The following ILRUN variants were observed in gnomAD, a reference collection of about 807,000 sequenced individuals.
The protein encoded by ILRUN is protein ILRUN.
In ILRUN, 3 loss-of-function variants were observed where a neutral mutation model predicts 33.8. The ratio of observed to expected loss-of-function variants is 0.09; its 90% confidence interval spans 0.04 to 0.23. ILRUN has a LOEUF of 0.23. ILRUN is among the 10% of genes least tolerant of loss of function. ILRUN has a pLI of 1.00. For missense variants in ILRUN, 210 were observed against 375.1 expected (o/e 0.56, Z 3.64); for synonymous variants, 124 against 138.9 (o/e 0.89, Z 0.75).
At chr6:34,636,185 C>T (rs944189834) in intron 3 of ILRUN, among the ~76,000 whole-genome samples, 59 of 152,088 alleles carry the variant, frequency 3.9e-4, no homozygotes, top group Admixed American at 2.2e-3. Flanking sequence ...GAGTTCAAGG[C>T]TACAGTGAGC....
At chr6:34,664,613 A>C (rs534323015) in intron 1 of ILRUN, among the ~76,000 whole-genome samples, 3 of 152,250 alleles carry the variant, frequency 2.0e-5, no homozygotes, top group Non-Finnish European at 4.4e-5. Flanking sequence ...GATACTTCCC[A>C]AAATGGGAAA....
intron 3 of ILRUN, among the ~76,000 whole-genome samples, chr6:34,625,639 C>T (rs1762108442): frequency 6.6e-6 from 1 of 152,260 alleles, no homozygotes; most frequent in South Asian, 2.1e-4. Flanking sequence ...CCAAAGTGTA[C>T]TAGTCATGCT....
At chr6:34,658,764 C>T (rs1762829123) in intron 1 of ILRUN, among the ~76,000 whole-genome samples, 1 of 151,846 alleles carries the variant, frequency 6.6e-6, no homozygotes, top group South Asian at 2.1e-4. Context: ...GCTGAGATTG[C>T]GCCACTGCAC....
chr6:34,681,845 ATTTTTTT>A (rs1168522578), intron 1 of ILRUN, among the ~76,000 whole-genome samples: 42 of 85,394 alleles, frequency 4.9e-4, no homozygotes, highest in East Asian at 2.8e-3. Context: ...CCACCACTAC[ATTTTTTT>A]TTTTTTTTTT....
chr6:34,696,723 G>C lies in ILRUN; in HGVS notation c.-120C>G. ...AGCTTCGCGACCCCGCTCCTTTGAG[G>C]TAGGCCCCGGGCCTCTCACAGTCTC... On this transcript the variant is annotated 5_prime_UTR_variant, in exon 1 of 5. Transcript: ENST00000374023. The C allele has an allele frequency of 9.7e-7, 1 of 1,029,646 alleles. No homozygotes were observed. The highest frequency in any genetic ancestry group is 1.4e-6 in the Non-Finnish European group (1 of 713,216). The allele number at this position is 1,029,646 out of a possible 1,614,324, so 63.8% of individuals were successfully genotyped here.
intron 4 of ILRUN, among the ~76,000 whole-genome samples, chr6:34,602,793 G>C (rs947154332): frequency 4.6e-5 from 7 of 152,264 alleles, no homozygotes; most frequent in Non-Finnish European, 7.4e-5. Context: ...CCTTCTGACA[G>C]CTCTCCCACA....
intron 3 of ILRUN, among the ~76,000 whole-genome samples, chr6:34,645,708 C>T (rs368735860): frequency 1.3e-5 from 2 of 152,234 alleles, no homozygotes; most frequent in South Asian, 4.2e-4. Flanking sequence ...AAAAGTTCTG[C>T]CCATAACGAG....
intron 3 of ILRUN, among the ~76,000 whole-genome samples, chr6:34,620,167 T>G (rs1027742255): frequency 6.6e-6 from 1 of 152,004 alleles, no homozygotes; most frequent in African/African-American, 2.4e-5. Flanking sequence ...TGGATATATA[T>G]TATATCCATC....
Position 34,682,507 on chromosome 6 carries a change from C to T in ILRUN, c.158+13939G>A, listed in dbSNP as rs193282746. On this transcript the variant is annotated intron_variant, in intron 1 of 4. Coordinates refer to ENST00000374023, the MANE Select transcript of ILRUN (RefSeq NM_024294.4). ...TCTCCTGACCTCGTGATCTGCCCAC[C>T]TCGGCCTCCCAAAGTACAGGGATTA... 4.3e-4 allele frequency among the ~76,000 whole-genome samples: 65 copies of T among 152,040 alleles called. 1 individual carries two copies. The highest frequency in any genetic ancestry group is 1.4e-3 in the African/African-American group (59 of 41,474).
In ILRUN at chr6:34,588,146, C is replaced by A. The variant is rs1761230895; in HGVS notation, c.*2419G>T. 1 of 398,850 alleles carries A rather than the reference C, an allele frequency of 2.5e-6. No individual in the cohort carries two copies. The highest frequency in any genetic ancestry group is 4.4e-5 in the Admixed American group (1 of 22,728). The allele number at this position is 398,850 out of a possible 1,614,324, so 24.7% of individuals were successfully genotyped here. On this transcript the variant is annotated 3_prime_UTR_variant, in exon 5 of 5. Coordinates refer to ENST00000374023, the MANE Select transcript of ILRUN (RefSeq NM_024294.4). Reference sequence around the variant, plus strand: ...GAAGCCATGGACCCCTCTGCCTGCACTCCATGACTTGCACTTACTCTGGCC... The same window carrying A: ...GAAGCCATGGACCCCTCTGCCTGCAATCCATGACTTGCACTTACTCTGGCC...
intron 3 of ILRUN, among the ~76,000 whole-genome samples, chr6:34,641,998 A>C (rs1023754736): frequency 6.6e-6 from 1 of 152,230 alleles, no homozygotes; most frequent in Admixed American, 6.5e-5. Flanking sequence ...TGAGGCACTA[A>C]GGACAAGACA....
chr6:34,683,503 T>TATATAC (rs1562033271), intron 1 of ILRUN, among the ~76,000 whole-genome samples: 52 of 95,254 alleles, frequency 5.5e-4, no homozygotes, highest in African/African-American at 3.0e-3. Flanking sequence ...TATATACATA[T>TATATAC]ATATATATAT....
At chr6:34,676,499 TAG>T (rs902698920) in intron 1 of ILRUN, among the ~76,000 whole-genome samples, 3 of 150,044 alleles carry the variant, frequency 2.0e-5, no homozygotes, top group Non-Finnish European at 3.0e-5. Context: ...TATGCAAAGA[TAG>T]AGAGAGAGAG....
chr6:34,683,463 C>CATATATATATACATATATATATACATAT (rs768330830), intron 1 of ILRUN, among the ~76,000 whole-genome samples: 1 of 102,710 alleles, frequency 9.7e-6, no homozygotes, highest in Non-Finnish European at 1.8e-5. Flanking sequence ...CATATATATA[C>CATATATATATACATATATATATACATAT]ATATATATAC....
chr6:34,630,566 T>G (rs1326055977), intron 3 of ILRUN, among the ~76,000 whole-genome samples: 2 of 152,190 alleles, frequency 1.3e-5, no homozygotes, highest in East Asian at 3.9e-4. Context: ...GTATTTTTAA[T>G]AGAGATGGGG....
At chr6:34,686,583 C>G (rs1763523779) in intron 1 of ILRUN, 1 of 209,010 alleles carries the variant, frequency 4.8e-6, no homozygotes, top group African/African-American at 2.3e-5. Flanking sequence ...TTTGCGCTGA[C>G]AGTGCTCCAG....
chr6:34,618,308 T>C (rs1387438920), intron 3 of ILRUN, among the ~76,000 whole-genome samples: 1 of 152,202 alleles, frequency 6.6e-6, no homozygotes, highest in African/African-American at 2.4e-5. Flanking sequence ...AATGACCCTC[T>C]CTTTGTGTGG....
chr6:34,684,239 C>A (rs1763468388), intron 1 of ILRUN, among the ~76,000 whole-genome samples: 1 of 152,148 alleles, frequency 6.6e-6, no homozygotes, highest in South Asian at 2.1e-4. Flanking sequence ...CTTTCCAGTT[C>A]ACACACCTTC....
intron 1 of ILRUN, among the ~76,000 whole-genome samples, chr6:34,676,425 T>C (rs571985274): frequency 3.8e-4 from 57 of 150,544 alleles, no homozygotes; most frequent in African/African-American, 9.6e-4. Context: ...TACAGATAGA[T>C]ATAGCTAGCT....
Sources: allele counts gnomAD v4.1 joint callset (sites outside exome capture counted in the v4.1 genomes callset), GRCh38; gene constraint gnomAD v4.1.1; transcripts MANE v1.5; gene names NCBI Gene and HGNC (gene_info 2026-07-23, HGNC 2026-07-21).